CES4A: variants seen among roughly 807,000 people sequenced by gnomAD.
CES4A encodes the protein carboxylesterase 6.
In CES4A, 48 loss-of-function variants were observed where a neutral mutation model predicts 65.4. The observed-to-expected ratio is 0.73, with a 90% CI of 0.58 to 0.93. CES4A has a LOEUF of 0.93. Among genes scored for constraint, CES4A ranks in the 40% least tolerant of loss-of-function variants. CES4A has a pLI of 0.00. For missense variants in CES4A, 685 were observed against 728.5 expected, an observed-to-expected ratio of 0.94 and a Z score of 0.69; for synonymous variants, 247 against 281.8, an observed-to-expected ratio of 0.88 and a Z score of 1.24.
intron 2 of CES4A, among the ~76,000 whole-genome samples, chr16:66,998,293 C>T (rs1339257121): frequency 2.6e-5 from 4 of 151,960 alleles, no homozygotes; most frequent in Non-Finnish European, 5.9e-5. Context: ...GAAAGCTGTT[C>T]GAGAAAGATA....
chr16:66,993,491 C>T (rs1019471718), intron 1 of CES4A, among the ~76,000 whole-genome samples: 6 of 152,052 alleles, frequency 3.9e-5, no homozygotes, highest in Non-Finnish European at 7.4e-5. Context: ...TACAGGTGCC[C>T]GCCACCACGC....
At chr16:67,006,078 T>C (rs1965737862) in intron 11 of CES4A, 1 of 297,784 alleles carries the variant, frequency 3.4e-6, no homozygotes, top group Non-Finnish European at 6.5e-6. Context: ...GACCCTTCAA[T>C]ATGAGGCCAA....
exon 12 of CES4A, chr16:67,006,441 A>G (rs764104859): frequency 2.5e-5 from 39 of 1,536,508 alleles, no homozygotes; most frequent in Non-Finnish European, 3.2e-5. Context: ...CGCTCGTGGA[A>G]TAATCGTCAA....
At position 67,000,728 on chromosome 16, in the gene CES4A, G is replaced by A; in HGVS notation, c.351G>A (p.Leu117=). The stretch of plus-strand genomic sequence containing the variant: ...GGCTGCGCTTCAGCGAGGACTGTCT[G>A]TACCTGAACGTGTACGCGCCGGCGC... The change falls in exon 3 of 14, where the codon CTG becomes CTA. Residue 117 remains leucine, a synonymous_variant. Coordinates refer to ENST00000648724, the Ensembl canonical transcript of CES4A. This position sits in a 1 kb window ranked among gnomAD's most constrained non-coding sequence, Gnocchi z 4.2. 1.3e-6 allele frequency: 2 copies of A among 1,550,030 alleles called. No homozygotes were observed. Among genetic ancestry groups the A allele is most frequent in the South Asian group, 1.2e-5 (1 of 84,050 alleles).
exon 12 of CES4A, chr16:67,006,436 G>A (rs998267039): frequency 1.1e-5 from 17 of 1,536,558 alleles, no homozygotes; most frequent in East Asian, 2.4e-5. Flanking sequence ...CACCACGCTC[G>A]TGGAATAATC....
At chr16:67,004,356 G>A in intron 9 of CES4A, 132 bp downstream of exon 9, 1 of 963,472 alleles carries the variant, frequency 1.0e-6, no homozygotes. Context: ...GATGCCCTAT[G>A]TTTGGGAGCC....
intron 1 of CES4A, 34 bp from the exon 2 acceptor site, chr16:66,995,594 G>T (rs777472258): frequency 6.3e-7 from 1 of 1,589,278 alleles, no homozygotes; most frequent in South Asian, 1.1e-5. Flanking sequence ...CTGGGTGACT[G>T]AGCAGAGGTG....
rs1297226001 is a variant in CES4A at position 67,001,086 on chromosome 16, G to T, written c.536+96G>T. The stretch of plus-strand genomic sequence containing the variant: ...GCGGGGCCTGGGGCGGGGATGGGGG[G>T]GGTGGGGCCGCGAGGCGGGGGCGGG... On this transcript the variant is annotated intron_variant, in intron 4 of 13. Transcript: ENST00000648724. The surrounding 1 kb of genome is among the most constrained non-coding windows in gnomAD (Gnocchi z 4.1). 5 of 1,107,524 alleles carry T rather than the reference G, an allele frequency of 4.5e-6. No homozygotes were observed. The highest frequency in any genetic ancestry group is 5.0e-6 in the Non-Finnish European group (4 of 797,626). The allele number at this position is 1,107,524 out of a possible 1,614,324, so 68.6% of individuals were successfully genotyped here. A position where few individuals can be genotyped will look rare whatever the true frequency, so the allele number is the denominator to read the frequency against.
chr16:67,004,788 A>T lies in CES4A; in HGVS notation c.1081-5A>T, dbSNP rs1388296401. 6.5e-7 allele frequency: 1 copy of T among 1,535,836 alleles called. No homozygotes were observed. The highest frequency in any genetic ancestry group is 1.4e-5 in the African/African-American group (1 of 72,996). ...CCCACACTGGGGTCCTTGTCTTGTGAACAGATCATGAAGTTCCCGCTAAAC... is the reference window on the plus strand; with the variant it reads ...CCCACACTGGGGTCCTTGTCTTGTGTACAGATCATGAAGTTCCCGCTAAAC... On this transcript the variant is annotated splice_region_variant and splice_polypyrimidine_tract_variant and intron_variant, in intron 9 of 13. Coordinates refer to ENST00000648724, the Ensembl canonical transcript of CES4A.
rs776618503 is a variant in CES4A at position 67,001,345 on chromosome 16, C to T, written c.574C>T (p.Leu192=). The T allele has an allele frequency of 2.3e-5, 37 of 1,612,804 alleles. No homozygotes were observed. Among genetic ancestry groups the T allele is most frequent in the Non-Finnish European group, 2.8e-5 (33 of 1,179,532 alleles). Residue 192 remains leucine, a synonymous_variant, in exon 5 of 14, where the codon CTG becomes TTG. Coordinates refer to ENST00000648724, the Ensembl canonical transcript of CES4A. This position sits in a 1 kb window ranked among gnomAD's most constrained non-coding sequence, Gnocchi z 4.1. ...CCACGCGCGCGGGAACTGGGGGCTG[C>T]TGGACCAGATGGCGGCTCTGCGCTG... is the stretch of plus-strand genomic sequence containing the variant.
chr16:66,995,717 G>C (rs1030259395), exon 2 of CES4A: 2 of 1,614,118 alleles, frequency 1.2e-6, no homozygotes, highest in African/African-American at 2.7e-5. Flanking sequence ...ACCCATCCAA[G>C]TCTTTTTAGG....
chr16:67,000,589 G>A lies in CES4A; in HGVS notation c.261-49G>A, dbSNP rs1351223341. 1 of 1,520,890 alleles carries A rather than the reference G, an allele frequency of 6.6e-7. No homozygotes were observed. Among genetic ancestry groups the A allele is most frequent in the Non-Finnish European group, 8.9e-7 (1 of 1,129,444 alleles). The allele number at this position is 1,520,890 out of a possible 1,614,324, so 94.2% of individuals were successfully genotyped here. On this transcript the variant is annotated intron_variant, in intron 2 of 13. Coordinates refer to ENST00000648724, the Ensembl canonical transcript of CES4A. The surrounding 1 kb of genome is among the most constrained non-coding windows in gnomAD (Gnocchi z 4.2). ...GTTCCGTCTTCTCACTGCGGACCCT[G>A]GATTGAAACGATCTCCCCGCGGCCG...
chr16:66,990,446 C>T (rs1463808371), intron 1 of CES4A, among the ~76,000 whole-genome samples: 1 of 152,148 alleles, frequency 6.6e-6, no homozygotes, highest in African/African-American at 2.4e-5. Flanking sequence ...TCTATAATCC[C>T]AGCATTTTGG....
chr16:66,995,049 C>T (rs1567572214), intron 1 of CES4A, among the ~76,000 whole-genome samples: 1 of 148,060 alleles, frequency 6.8e-6, no homozygotes, highest in Non-Finnish European at 1.5e-5. Flanking sequence ...TGGTGGCTCA[C>T]ACCTGTAATC....
rs750619248 is a variant in CES4A at position 67,004,108 on chromosome 16, GT to G, written c.965del (p.Val322GlyfsTer5). The stretch of plus-strand genomic sequence containing the variant: ...GATTATCTGGTCCATGAGCCCTGTG[GT>G]GGATGGTGTGGTGATCCCAGATGAC... On this transcript the variant is annotated frameshift_variant, in exon 9 of 14. Transcript: ENST00000648724. LOFTEE classifies it high-confidence loss of function. The G allele has an allele frequency of 3.3e-5, 53 of 1,614,052 alleles. No homozygotes were observed. The highest frequency in any genetic ancestry group is 4.3e-5 in the Non-Finnish European group (51 of 1,180,022).
exon 2 of CES4A, chr16:66,995,733 C>T: frequency 6.2e-7 from 1 of 1,614,224 alleles, no homozygotes; most frequent in Non-Finnish European, 8.5e-7. Flanking sequence ...TTAGGAGTCC[C>T]CTTCTCCAGA....
In CES4A at chr16:66,995,840, G is replaced by A. The variant is rs914971487; in HGVS notation, c.260+11G>A. 3 of 1,612,056 alleles carry A rather than the reference G, an allele frequency of 1.9e-6. No homozygotes were observed. The highest frequency in any genetic ancestry group is 2.2e-5 in the South Asian group (2 of 90,998). ...CACCTACCCGCCTGGGTAAGAGTCA[G>A]AGGCCTGTCCACTGGGAGGGGGCAA... On this transcript the variant is annotated intron_variant, in intron 2 of 13. Coordinates refer to ENST00000648724, the Ensembl canonical transcript of CES4A.
Position 67,000,571 on chromosome 16 carries a change from C to T in CES4A, c.261-67C>T. 1 of 1,498,994 alleles carries T rather than the reference C, an allele frequency of 6.7e-7. No homozygotes were observed. Among genetic ancestry groups the T allele is most frequent in the Non-Finnish European group, 8.9e-7 (1 of 1,118,714 alleles). 92.9% of individuals were successfully genotyped at this position (1,498,994 alleles called of 1,614,324 possible). A position where few individuals can be genotyped will look rare whatever the true frequency, so the allele number is the denominator to read the frequency against. On this transcript the variant is annotated intron_variant, in intron 2 of 13. Coordinates refer to ENST00000648724, the Ensembl canonical transcript of CES4A. The surrounding 1 kb of genome is among the most constrained non-coding windows in gnomAD (Gnocchi z 4.2). ...GCCTGGATTTTGCTTTGGGTTCCGT[C>T]TTCTCACTGCGGACCCTGGATTGAA...
In CES4A at chr16:67,001,807, C is replaced by T. The variant is rs1265037458; in HGVS notation, c.690+346C>T. On this transcript the variant is annotated intron_variant, in intron 5 of 13. Transcript: ENST00000648724. This position sits in a 1 kb window ranked among gnomAD's most constrained non-coding sequence, Gnocchi z 4.1. Reference sequence around the variant, plus strand: ...TGCCCCCTGGGCAAGGCTAGGACCTCACACCAGGCCTGCAAGCCAGGGGCA... The same window carrying T: ...TGCCCCCTGGGCAAGGCTAGGACCTTACACCAGGCCTGCAAGCCAGGGGCA... Among the ~76,000 whole-genome samples the T allele has an allele frequency of 6.6e-6, 1 of 152,274 alleles. No homozygotes were observed.
Sources: gnomAD v4.1 joint callset for allele counts (sites outside exome capture counted in the v4.1 genomes callset) on GRCh38, gnomAD v4.1.1 for gene constraint, Gnocchi (gnomAD v3.1) non-coding constraint, MANE v1.5 for transcripts, NCBI Gene and HGNC (gene_info 2026-07-23, HGNC 2026-07-21) for gene names.